Variants in CCDC187 observed in about 807,000 individuals in gnomAD.
CCDC187 encodes coiled-coil domain-containing protein 187.
CCDC187 carries 32 observed loss-of-function variants against 38.0 expected under a neutral mutation model. That is an observed-to-expected ratio of 0.84 (90% CI 0.64 to 1.13). The LOEUF (loss-of-function observed/expected upper bound fraction) is 1.13, where lower values mean the gene tolerates loss of function less well. Among genes scored for constraint, CCDC187 ranks in the 50% most tolerant of loss-of-function variants. The pLI is 0.00. For synonymous variants in CCDC187, 333 were observed against 347.9 expected (o/e 0.96, Z 0.48); for missense variants, 707 against 786.8 (o/e 0.90, Z 1.21).
intron 9 of CCDC187, among the ~76,000 whole-genome samples, chr9:136,284,974 C>T (rs1831139369): frequency 6.6e-6 from 1 of 152,092 alleles, no homozygotes; most frequent in South Asian, 2.1e-4. Context: ...CAGATGCTCC[C>T]CCAGGGGGAG....
chr9:136,294,697 G>A (rs941670182), intron 4 of CCDC187, among the ~76,000 whole-genome samples: 3 of 152,212 alleles, frequency 2.0e-5, no homozygotes, highest in Non-Finnish European at 4.4e-5. Flanking sequence ...CTCCAGGAAG[G>A]TGAATGGGCT....
intron 14 of CCDC187, among the ~76,000 whole-genome samples, chr9:136,271,303 C>T (rs1350422260): frequency 7.9e-5 from 12 of 152,144 alleles, no homozygotes; most frequent in Admixed American, 4.6e-4. Flanking sequence ...GGGCAAATCA[C>T]CTCAGGTCAG....
At chr9:136,270,178 A>T (rs1370492713) in intron 14 of CCDC187, among the ~76,000 whole-genome samples, 3 of 152,210 alleles carry the variant, frequency 2.0e-5, no homozygotes, top group Non-Finnish European at 2.9e-5. Flanking sequence ...ATGTGCGGAG[A>T]TGAGAGATCG....
At position 136,267,351 on chromosome 9, in the gene CCDC187, G is replaced by GGGGCTACAGCA. The variant is rs1261831836; in HGVS notation, c.3647+32_3647+33insTGCTGTAGCCC. The GGGGCTACAGCA allele has an allele frequency of 1.1e-3, 1,122 of 983,150 alleles. 17 individuals are homozygous for GGGGCTACAGCA. In the African/African-American group the frequency reaches 0.019, roughly 16 times the overall value. The allele number at this position is 983,150 out of a possible 1,614,324, so 60.9% of individuals were successfully genotyped here. A position where few individuals can be genotyped will look rare whatever the true frequency, so the allele number is the denominator to read the frequency against. ...GGCTACAGCAGGGCGGGGCTACGGC[G>GGGGCTACAGCA]GGGCGGGGCCGGCGCCAGGCGCATG... On this transcript the variant is annotated intron_variant, in intron 16 of 25. Transcript: ENST00000638797.
intron 7 of CCDC187, among the ~76,000 whole-genome samples, chr9:136,288,917 G>T (rs1391691680): frequency 6.6e-6 from 1 of 152,212 alleles, no homozygotes; most frequent in East Asian, 1.9e-4. Context: ...AGAGGTGCAC[G>T]TGCCCATGCA....
In CCDC187 at chr9:136,268,122, A is replaced by T; in HGVS notation, c.3446T>A (p.Val1149Glu). ...NVVAKPASAE[V>E]EGPDGALSQL... ...GGAGAGGGCTCCGTCAGGGCCCTCC[A>T]CCTCTGAGGAAGGAAGCGCCATGGT... Residue 1149 changes from valine to glutamate, a missense_variant, in exon 15 of 26, where the codon GTG becomes GAG. Transcript: ENST00000638797. 1 of 985,402 alleles carries T rather than the reference A, an allele frequency of 1.0e-6. No individual in the cohort carries two copies. The highest frequency in any genetic ancestry group is 1.2e-6 in the Non-Finnish European group (1 of 829,924). The allele number at this position is 985,402 out of a possible 1,614,324, so 61.0% of individuals were successfully genotyped here.
intron 19 of CCDC187, among the ~76,000 whole-genome samples, chr9:136,261,423 G>A (rs1212228534): frequency 2.0e-5 from 3 of 152,088 alleles, no homozygotes; most frequent in South Asian, 2.1e-4. Context: ...GTACCCCTCC[G>A]CCAGGAGGGT....
chr9:136,285,949 C>T, intron 8 of CCDC187, 136 bp downstream of exon 8: 1 of 397,498 alleles, frequency 2.5e-6, no homozygotes, highest in East Asian at 3.6e-5. Flanking sequence ...TGCTCAGACC[C>T]CCTGGACTGT....
intron 16 of CCDC187, chr9:136,266,818 C>G (rs1198686395): frequency 6.6e-6 from 1 of 152,300 alleles, no homozygotes; most frequent in Non-Finnish European, 1.5e-5. Flanking sequence ...CGTGGTGGCT[C>G]TCGCCTGTAA....
intron 12 of CCDC187, 57 bp downstream of exon 12, chr9:136,276,137 C>T (rs1290114383): frequency 6.6e-6 from 1 of 152,268 alleles, no homozygotes; most frequent in Non-Finnish European, 1.5e-5. Flanking sequence ...TGTGACTGAC[C>T]TTCCCACCCA....
upstream of CCDC187, among the ~76,000 whole-genome samples, chr9:136,304,600 C>T (rs1369792267): frequency 1.1e-4 from 17 of 152,178 alleles, no homozygotes; most frequent in East Asian, 3.9e-4. Flanking sequence ...GTCCGTGACA[C>T]GGCAGTGTGG....
Position 136,263,609 on chromosome 9 carries a change from CGA to C in CCDC187, c.3912+11_3912+12del. ...TTCTGCAGCTGAGTCCCAGCCCAGG[CGA>C]GAGCACCCACCTGCTGCAGCTTGGC... On this transcript the variant is annotated intron_variant, in intron 18 of 25. Transcript: ENST00000638797. 1 of 985,396 alleles carries C rather than the reference CGA, an allele frequency of 1.0e-6. No individual in the cohort carries two copies. Among genetic ancestry groups the C allele is most frequent in the Non-Finnish European group, 1.2e-6 (1 of 829,892 alleles). 61.0% of individuals were successfully genotyped at this position (985,396 alleles called of 1,614,324 possible).
chr9:136,282,002 T>G (rs907995756), intron 9 of CCDC187, among the ~76,000 whole-genome samples: 4,724 of 152,254 alleles, frequency 0.031, 75 homozygotes, highest in Middle Eastern at 0.082. Context: ...CTCGGAGCTC[T>G]GCACTCGGAC....
At chr9:136,298,583 C>T (rs1034291240) in intron 3 of CCDC187, among the ~76,000 whole-genome samples, 20 of 152,236 alleles carry the variant, frequency 1.3e-4, no homozygotes, top group African/African-American at 4.1e-4. Context: ...AGAAGAGGAC[C>T]CTGGCCCAAA....
intron 16 of CCDC187, 113 bp downstream of exon 16, chr9:136,267,271 G>A (rs1278449413): frequency 1.4e-6 from 1 of 734,136 alleles, no homozygotes; most frequent in Non-Finnish European, 1.7e-6. Flanking sequence ...ACGCTGTCGG[G>A]GCCACGGGCG....
At chr9:136,282,544 C>A (rs926417699) in intron 9 of CCDC187, among the ~76,000 whole-genome samples, 13 of 152,202 alleles carry the variant, frequency 8.5e-5, no homozygotes, top group Admixed American at 2.0e-4. Flanking sequence ...CCTCACTTCG[C>A]ATTTCTTATC....
chr9:136,298,428 G>C (rs1482847673), intron 3 of CCDC187, among the ~76,000 whole-genome samples: 4 of 148,592 alleles, frequency 2.7e-5, no homozygotes, highest in Non-Finnish European at 6.0e-5. Flanking sequence ...GAGTGCAGCG[G>C]CCACCGAGAG....
chr9:136,260,550 G>A (rs910481234), intron 19 of CCDC187, among the ~76,000 whole-genome samples: 3 of 151,570 alleles, frequency 2.0e-5, no homozygotes, highest in South Asian at 2.1e-4. Context: ...CGAGAATCAC[G>A]GTGCCACCCC....
chr9:136,276,149 C>T (rs1336831619), intron 12 of CCDC187, 45 bp downstream of exon 12: 1 of 152,270 alleles, frequency 6.6e-6, no homozygotes, highest in Non-Finnish European at 1.5e-5. Flanking sequence ...TCCCACCCAA[C>T]CTCCTGCAGA....
Sources: gnomAD v4.1 joint callset for allele counts (sites outside exome capture counted in the v4.1 genomes callset) on GRCh38, gnomAD v4.1.1 for gene constraint, MANE v1.5 for transcripts, NCBI Gene and HGNC (gene_info 2026-07-23, HGNC 2026-07-21) for gene names.